EDARADD: variants seen among roughly 807,000 people sequenced by gnomAD.
The protein encoded by EDARADD is ectodysplasin-A receptor-associated adapter protein.
A neutral mutation model predicts 25.6 loss-of-function variants in EDARADD; 20 were observed. The ratio of observed to expected loss-of-function variants is 0.78; its 90% CI spans 0.55 to 1.14. EDARADD has a LOEUF of 1.14. Among genes scored for constraint, EDARADD ranks in the 50% most tolerant of loss-of-function variants. The pLI, the probability that EDARADD is intolerant of heterozygous loss-of-function variation, is 0.00. For missense variants in EDARADD, 225 were observed against 270.1 expected (o/e 0.83, Z 1.17); for synonymous variants, 86 against 94.4 (o/e 0.91, Z 0.52).
At chr1:236,467,523 A>G (rs1411104111) in intron 4 of EDARADD, among the ~76,000 whole-genome samples, 2 of 152,078 alleles carry the variant, frequency 1.3e-5, no homozygotes, top group East Asian at 3.9e-4. Flanking sequence ...GATTGTAAAA[A>G]TGGAGCCCTA....
In EDARADD at chr1:236,455,090, G is replaced by T. The variant is rs10802535; in HGVS notation, c.220-13141G>T. 2.6e-5 allele frequency among the ~76,000 whole-genome samples: 4 copies of T among 151,892 alleles called. No individual in the cohort carries two copies. In the East Asian group the frequency reaches 7.7e-4, roughly 29 times the overall value. On this transcript the variant is annotated intron_variant, in intron 4 of 5. Transcript: ENST00000334232. The stretch of plus-strand genomic sequence containing the variant: ...CTGGGCGTGGTGGCGGGCGCCTGTA[G>T]TCCCAGCTACTTGGGAGGCTGAAGC...
intron 4 of EDARADD, among the ~76,000 whole-genome samples, chr1:236,440,413 C>G (rs553909702): frequency 6.6e-6 from 1 of 152,056 alleles, no homozygotes; most frequent in East Asian, 1.9e-4. Context: ...AAATAACTTG[C>G]TGGGATTATG....
At chr1:236,364,386 T>G (rs1370215882) in intron 3 of EDARADD, among the ~76,000 whole-genome samples, 1 of 152,162 alleles carries the variant, frequency 6.6e-6, no homozygotes, top group Non-Finnish European at 1.5e-5. Context: ...CTATAAACTC[T>G]GCATTGCCAC....
intron 3 of EDARADD, among the ~76,000 whole-genome samples, chr1:236,374,716 T>G (rs1447721672): frequency 1.3e-5 from 2 of 151,994 alleles, no homozygotes; most frequent in African/African-American, 4.8e-5. Context: ...AATATTAATA[T>G]AGCTATTTTC....
At position 236,382,959 on chromosome 1, in the gene EDARADD, C is replaced by T. The variant is rs568092501; in HGVS notation, c.-5-26257C>T. On this transcript the variant is annotated intron_variant, in intron 3 of 7. Transcript: ENST00000439430. ...ATTCTATAGATCTCTTAGGATCTCT[C>T]TGGGAAGTCTTTACCCTACAGTATT... Among the ~76,000 whole-genome samples, 13 of 152,226 alleles carry T rather than the reference C, an allele frequency of 8.5e-5. No individual in the cohort carries two copies. In the South Asian group the frequency reaches 2.7e-3, roughly 32 times the overall value.
chr1:236,406,130 G>C (rs1460016641), intron 1 of EDARADD, among the ~76,000 whole-genome samples: 1 of 151,628 alleles, frequency 6.6e-6, no homozygotes, highest in African/African-American at 2.4e-5. Flanking sequence ...ACTCCTGGCA[G>C]GATGGCATTT....
intron 4 of EDARADD, among the ~76,000 whole-genome samples, chr1:236,462,222 T>C (rs1406941677): frequency 7.2e-5 from 11 of 152,212 alleles, no homozygotes; most frequent in African/African-American, 2.7e-4. Context: ...GATTGGTTGC[T>C]GTGAATCTCC....
At chr1:236,469,344 G>A (rs1308886112) in intron 5 of EDARADD, among the ~76,000 whole-genome samples, 21 of 151,952 alleles carry the variant, frequency 1.4e-4, no homozygotes, top group Admixed American at 1.4e-3. Flanking sequence ...CGTGGTGATG[G>A]GCACCTATAA....
At chr1:236,396,027 T>C (rs2103000884) in intron 1 of EDARADD, among the ~76,000 whole-genome samples, 1 of 152,352 alleles carries the variant, frequency 6.6e-6, no homozygotes, top group South Asian at 2.1e-4. Context: ...GATTTCGTTT[T>C]CGCCTCCCGG....
At chr1:236,444,850 C>T (rs1021469634) in intron 4 of EDARADD, among the ~76,000 whole-genome samples, 3 of 152,216 alleles carry the variant, frequency 2.0e-5, no homozygotes, top group Admixed American at 6.5e-5. Flanking sequence ...TGAAACTGAA[C>T]CCACAATAAT....
intron 3 of EDARADD, among the ~76,000 whole-genome samples, chr1:236,424,664 T>C (rs1657865193): frequency 1.3e-5 from 2 of 152,106 alleles, no homozygotes; most frequent in South Asian, 4.1e-4. Context: ...TTAAAAACTG[T>C]GGGCTTGTGT....
At chr1:236,358,201 T>G (rs1480105754) in intron 3 of EDARADD, among the ~76,000 whole-genome samples, 1 of 152,158 alleles carries the variant, frequency 6.6e-6, no homozygotes, top group East Asian at 1.9e-4. Context: ...ATGACCAGTC[T>G]GCTTTTTGTT....
chr1:236,459,926 A>G (rs1255278181), intron 4 of EDARADD, among the ~76,000 whole-genome samples: 2 of 151,938 alleles, frequency 1.3e-5, no homozygotes, highest in East Asian at 3.9e-4. Context: ...CCTTAATGAA[A>G]TGCTCCTCAT....
At chr1:236,457,582 A>G (rs574804123) in intron 4 of EDARADD, among the ~76,000 whole-genome samples, 25 of 152,132 alleles carry the variant, frequency 1.6e-4, no homozygotes, top group African/African-American at 5.5e-4. Context: ...GCACTTTGGG[A>G]GGCTGAGGGG....
intron 3 of EDARADD, among the ~76,000 whole-genome samples, chr1:236,358,986 A>G (rs1343821256): frequency 2.6e-5 from 4 of 152,136 alleles, no homozygotes; most frequent in Non-Finnish European, 5.9e-5. Context: ...AAGTCTCCCA[A>G]TATTATTGTG....
chr1:236,449,827 G>A (rs12074355), intron 4 of EDARADD, among the ~76,000 whole-genome samples: 7,736 of 152,260 alleles, frequency 0.051, 578 homozygotes, highest in African/African-American at 0.16. Flanking sequence ...GCGGCTGGGC[G>A]CGGTGGCTCA....
chr1:236,484,540 G>A lies in EDARADD; in HGVS notation c.*1891G>A. The stretch of plus-strand genomic sequence containing the variant: ...CCCTCCCCTTGTGTCAACTCCGGCA[G>A]CTCAAGACCCCCGAGCAACATTTGT... On this transcript the variant is annotated 3_prime_UTR_variant, in exon 6 of 6. Coordinates refer to ENST00000334232, the MANE Select transcript of EDARADD (RefSeq NM_145861.4). The surrounding 1 kb of genome is among the most constrained non-coding windows in gnomAD (Gnocchi z 4.1). 1 of 1,283,626 alleles carries A rather than the reference G, an allele frequency of 7.8e-7. No homozygotes were observed. Among genetic ancestry groups the A allele is most frequent in the Non-Finnish European group, 1.1e-6 (1 of 899,406 alleles). The allele number at this position is 1,283,626 out of a possible 1,614,324, so 79.5% of individuals were successfully genotyped here.
intron 3 of EDARADD, among the ~76,000 whole-genome samples, chr1:236,378,947 A>G (rs1292113280): frequency 6.6e-6 from 1 of 152,184 alleles, no homozygotes; most frequent in Non-Finnish European, 1.5e-5. Context: ...TGATTAGATC[A>G]CTAGATGTGG....
At chr1:236,380,668 T>G (rs1258758819) in intron 3 of EDARADD, among the ~76,000 whole-genome samples, 3 of 152,252 alleles carry the variant, frequency 2.0e-5, no homozygotes, top group Non-Finnish European at 2.9e-5. Context: ...CTTTCCTAAT[T>G]GCCCAGAAAT....
Sources: allele counts gnomAD v4.1 joint callset (sites outside exome capture counted in the v4.1 genomes callset), GRCh38; gene constraint gnomAD v4.1.1; non-coding constraint Gnocchi (gnomAD v3.1); transcripts MANE v1.5; gene names NCBI Gene and HGNC (gene_info 2026-07-23, HGNC 2026-07-21).